The following OXCT1 variants were observed in gnomAD, a reference collection of about 807,000 sequenced individuals.
The protein encoded by OXCT1 is 3-oxoacid CoA-transferase 1, also known as succinyl-CoA:3-ketoacid coenzyme A transferase 1, mitochondrial.
In OXCT1, 27 loss-of-function variants were observed where a neutral mutation model predicts 69.6. The observed-to-expected ratio is 0.39, with a 90% CI of 0.29 to 0.54. The LOEUF is 0.54. OXCT1 is among the 20% of genes least tolerant of loss of function. The pLI is 0.72. For synonymous variants in OXCT1, 202 were observed against 217.8 expected (o/e 0.93, Z 0.64); for missense variants, 437 against 650.2 (o/e 0.67, Z 3.57).
At chr5:41,796,982 G>A (rs1443943775) in intron 11 of OXCT1, among the ~76,000 whole-genome samples, 2 of 152,190 alleles carry the variant, frequency 1.3e-5, no homozygotes, top group African/African-American at 4.8e-5. Flanking sequence ...GCCTGTGTGA[G>A]CTCTAGGTTT....
intron 3 of OXCT1, among the ~76,000 whole-genome samples, chr5:41,857,339 T>G (rs1317079737): frequency 6.6e-6 from 1 of 152,248 alleles, no homozygotes; most frequent in African/African-American, 2.4e-5. Flanking sequence ...AGGTCCCATG[T>G]GATCAGTTGC....
intron 13 of OXCT1, among the ~76,000 whole-genome samples, chr5:41,787,381 C>G (rs1354350975): frequency 6.6e-6 from 1 of 152,014 alleles, no homozygotes; most frequent in African/African-American, 2.4e-5. Flanking sequence ...TACAATTTCC[C>G]CCAGCTTACT....
intron 13 of OXCT1, among the ~76,000 whole-genome samples, chr5:41,793,291 C>G (rs1746017152): frequency 6.6e-6 from 1 of 152,196 alleles, no homozygotes; most frequent in Non-Finnish European, 1.5e-5. Flanking sequence ...AACCGGGCTA[C>G]CAGCCAAAAT....
chr5:41,746,118 C>T (rs62360550), intron 15 of OXCT1, among the ~76,000 whole-genome samples: 1 of 152,206 alleles, frequency 6.6e-6, no homozygotes, highest in African/African-American at 2.4e-5. Context: ...TTTAGACCAA[C>T]ATCCCTGATG....
chr5:41,753,310 GACACAC>G (rs56169527), intron 14 of OXCT1, among the ~76,000 whole-genome samples: 27,748 of 149,908 alleles, frequency 0.19, 2,720 homozygotes, highest in Middle Eastern at 0.29. Context: ...CACACACATA[GACACAC>G]ACACACACAC....
chr5:41,763,917 A>G (rs1170001252), intron 13 of OXCT1, among the ~76,000 whole-genome samples: 1 of 152,198 alleles, frequency 6.6e-6, no homozygotes, highest in African/African-American at 2.4e-5. Flanking sequence ...AATCTGATTT[A>G]TACATTTTAA....
intron 13 of OXCT1, among the ~76,000 whole-genome samples, chr5:41,770,189 A>C (rs1744816982): frequency 6.6e-6 from 1 of 152,236 alleles, no homozygotes; most frequent in South Asian, 2.1e-4. Flanking sequence ...TTTGTTTCTA[A>C]AAAATACAGA....
Position 41,807,408 on chromosome 5 carries a change from C to A in OXCT1, c.763G>T (p.Ala255Ser). 1 of 1,604,644 alleles carries A rather than the reference C, an allele frequency of 6.2e-7. No individual in the cohort carries two copies. The highest frequency in any genetic ancestry group is 1.7e-4 in the Middle Eastern group (1 of 6,028). Residue 255 changes from alanine to serine, a missense_variant, in exon 8 of 17, where the codon GCT becomes TCT. By Grantham distance (99) the Ala-to-Ser change is moderately conservative. Transcript: ENST00000196371. ...TGAGGAATATGGATGTCTTCTGGAGCAAATGCTCCAATATCCACAATTTCT... is the reference window on the plus strand; with the variant it reads ...TGAGGAATATGGATGTCTTCTGGAGAAAATGCTCCAATATCCACAATTTCT... ...VEEIVDIGAF[A>S]PEDIHIPQIY...
At chr5:41,818,766 G>A (rs746751566) in intron 7 of OXCT1, among the ~76,000 whole-genome samples, 13 of 152,012 alleles carry the variant, frequency 8.6e-5, no homozygotes, top group Admixed American at 1.3e-4. Context: ...ATGGAAAAAC[G>A]TGTTTATAAG....
chr5:41,776,492 ATG>A (rs1274207277), intron 13 of OXCT1, among the ~76,000 whole-genome samples: 1 of 152,234 alleles, frequency 6.6e-6, no homozygotes, highest in East Asian at 1.9e-4. Context: ...TGAAAACAAA[ATG>A]GTTCTCAGAT....
intron 13 of OXCT1, among the ~76,000 whole-genome samples, chr5:41,793,620 A>T (rs1020570169): frequency 2.6e-5 from 4 of 152,266 alleles, no homozygotes; most frequent in African/African-American, 9.6e-5. Flanking sequence ...TAGAATTAAC[A>T]ATTAGCAAAG....
At chr5:41,788,317 T>C (rs1214117878) in intron 13 of OXCT1, among the ~76,000 whole-genome samples, 2 of 151,904 alleles carry the variant, frequency 1.3e-5, no homozygotes, top group Non-Finnish European at 2.9e-5. Context: ...AAAGGACAGA[T>C]GAAGTAAACA....
At chr5:41,775,269 C>G (rs1745068904) in intron 13 of OXCT1, among the ~76,000 whole-genome samples, 1 of 152,178 alleles carries the variant, frequency 6.6e-6, no homozygotes, top group African/African-American at 2.4e-5. Flanking sequence ...AAGTCCAGGC[C>G]ACCAGTACCT....
chr5:41,758,342 G>C (rs1744183674), intron 14 of OXCT1, among the ~76,000 whole-genome samples: 1 of 152,108 alleles, frequency 6.6e-6, no homozygotes, highest in Non-Finnish European at 1.5e-5. Context: ...TGTGTAATAG[G>C]AAGTTAGAAA....
At chr5:41,778,599 C>T (rs1745238609) in intron 13 of OXCT1, among the ~76,000 whole-genome samples, 1 of 152,208 alleles carries the variant, frequency 6.6e-6, no homozygotes, top group South Asian at 2.1e-4. Context: ...TGGACCTTAA[C>T]AATAACCATG....
intron 3 of OXCT1, among the ~76,000 whole-genome samples, chr5:41,858,846 G>A (rs965528191): frequency 6.6e-6 from 1 of 152,040 alleles, no homozygotes; most frequent in Non-Finnish European, 1.5e-5. Context: ...TATATCAAGA[G>A]TACCAAAAAC....
chr5:41,833,910 A>T (rs1030240217), intron 7 of OXCT1, among the ~76,000 whole-genome samples: 3 of 151,936 alleles, frequency 2.0e-5, no homozygotes, highest in Non-Finnish European at 2.9e-5. Flanking sequence ...AAAATACAAA[A>T]AATTAGTTGG....
intron 7 of OXCT1, among the ~76,000 whole-genome samples, chr5:41,839,269 T>C (rs1748516853): frequency 6.6e-6 from 1 of 152,222 alleles, no homozygotes; most frequent in African/African-American, 2.4e-5. Flanking sequence ...CCCAGGATAA[T>C]GCATAACGCC....
At chr5:41,755,682 A>T (rs1744035401) in intron 14 of OXCT1, among the ~76,000 whole-genome samples, 1 of 152,146 alleles carries the variant, frequency 6.6e-6, no homozygotes, top group Non-Finnish European at 1.5e-5. Context: ...ACAAAAAGTG[A>T]AGTCAAGATA....
Sources: allele counts gnomAD v4.1 joint callset (sites outside exome capture counted in the v4.1 genomes callset), GRCh38; gene constraint gnomAD v4.1.1; transcripts MANE v1.5; gene names NCBI Gene and HGNC (gene_info 2026-07-23, HGNC 2026-07-21).